The following ELAPOR1 variants were observed in gnomAD, a reference collection of about 807,000 sequenced individuals.
ELAPOR1 encodes endosome/lysosome-associated apoptosis and autophagy regulator 1.
Under a neutral mutation model 119.7 loss-of-function variants are expected in ELAPOR1, and 77 were observed. The ratio of observed to expected loss-of-function variants is 0.64; its 90% CI spans 0.54 to 0.78. The LOEUF (loss-of-function observed/expected upper bound fraction) is 0.78. ELAPOR1 is among the 30% of genes least tolerant of loss of function. ELAPOR1 has a pLI of 0.00. For synonymous variants in ELAPOR1, 481 were observed against 487.2 expected (o/e 0.99, Z 0.17); for missense variants, 1,115 against 1,270.4 (o/e 0.88, Z 1.86).
At chr1:109,192,294 G>C (rs1243284848) in intron 13 of ELAPOR1, among the ~76,000 whole-genome samples, 1 of 152,138 alleles carries the variant, frequency 6.6e-6, no homozygotes, top group Admixed American at 6.5e-5. Context: ...CCTATACACT[G>C]TTTGTTTCTG....
chr1:109,149,328 C>G (rs1307318745), intron 1 of ELAPOR1, among the ~76,000 whole-genome samples: 7 of 151,104 alleles, frequency 4.6e-5, no homozygotes, highest in Non-Finnish European at 1.0e-4. Flanking sequence ...AACCAGTTTA[C>G]AAAGAGCTTG....
chr1:109,155,278 C>T (rs1570652587), intron 1 of ELAPOR1, among the ~76,000 whole-genome samples: 3 of 152,062 alleles, frequency 2.0e-5, no homozygotes, highest in African/African-American at 7.3e-5. Flanking sequence ...CGGGTTCACG[C>T]CATTCTCCTG....
chr1:109,145,035 A>G (rs1650091569), intron 1 of ELAPOR1, among the ~76,000 whole-genome samples: 1 of 152,156 alleles, frequency 6.6e-6, no homozygotes, highest in African/African-American at 2.4e-5. Context: ...ATATTAAAAG[A>G]TGAGGTCTTT....
In ELAPOR1 at chr1:109,114,208, C is replaced by T. The variant is rs371799679; in HGVS notation, c.25C>T (p.His9Tyr). 7 of 1,603,584 alleles carry T rather than the reference C, an allele frequency of 4.4e-6. No individual in the cohort carries two copies. Among genetic ancestry groups the T allele is most frequent in the Non-Finnish European group, 6.0e-6 (7 of 1,175,024 alleles). MAEPGHSH[H>Y]LSARVRGRTE... ...TATGGCTGAGCCTGGGCACAGCCAC[C>T]ATCTCTCCGCCAGAGTCAGGGGAAG... Residue 9 changes from histidine to tyrosine, a missense_variant, in exon 1 of 22, where the codon CAT becomes TAT. His to Tyr is a moderately conservative substitution (Grantham distance 83). Transcript: ENST00000369939.
chr1:109,178,686 C>G (rs377216972), intron 7 of ELAPOR1, among the ~76,000 whole-genome samples: 3 of 151,964 alleles, frequency 2.0e-5, no homozygotes, highest in Non-Finnish European at 4.4e-5. Context: ...GGAGGTGGGC[C>G]GGGTGTGGCG....
In ELAPOR1 at chr1:109,172,149, A is replaced by C. The variant is rs956365098; in HGVS notation, c.615+136A>C. 29 of 1,127,530 alleles carry C rather than the reference A, an allele frequency of 2.6e-5. No homozygotes were observed. The African/African-American group carries it at 3.9e-4, about 15-fold the overall frequency. The allele number at this position is 1,127,530 out of a possible 1,614,324, so 69.8% of individuals were successfully genotyped here. On this transcript the variant is annotated intron_variant, in intron 4 of 21. Transcript: ENST00000369939. ...TTTCTCTCTGGAGAGAGCTGTGGGC[A>C]AAATGAGCTGAGGCCCAGGAGGCAA...
chr1:109,122,063 C>T (rs1451426266), intron 1 of ELAPOR1, among the ~76,000 whole-genome samples: 7 of 149,930 alleles, frequency 4.7e-5, no homozygotes, highest in Non-Finnish European at 8.9e-5. Context: ...TGAGCCACCA[C>T]AGCTGGCTCT....
intron 1 of ELAPOR1, among the ~76,000 whole-genome samples, chr1:109,143,093 G>A (rs1287188904): frequency 6.6e-6 from 1 of 152,106 alleles, no homozygotes; most frequent in Non-Finnish European, 1.5e-5. Flanking sequence ...GGGATTACAG[G>A]CATGCTTCAC....
Position 109,200,848 on chromosome 1 carries a change from T to C in ELAPOR1, c.2921T>C (p.Ile974Thr), listed in dbSNP as rs1479509098. 1 of 1,614,086 alleles carries C rather than the reference T, an allele frequency of 6.2e-7. No individual in the cohort carries two copies. The highest frequency in any genetic ancestry group is 1.3e-5 in the African/African-American group (1 of 74,920). The change falls in exon 21 of 22, where the codon ATC (isoleucine) becomes ACC (threonine). Residue 974 changes from isoleucine (I) to threonine (T), a missense_variant. Transcript: ENST00000369939. The part of the protein sequence containing the change: ...MEGEDVEDDL[I>T]FTSKKSLFGK... ...GGCGAGGATGTAGAGGACGACCTCA[T>C]CTTTACCAGCAAGAAGTCACTCTTT...
At chr1:109,177,245 C>CCA in intron 7 of ELAPOR1, among the ~76,000 whole-genome samples, 1 of 146,384 alleles carries the variant, frequency 6.8e-6, no homozygotes. Flanking sequence ...CTGACCCCCC[C>CCA]ACCTCCCTCC....
intron 8 of ELAPOR1, chr1:109,187,659 C>G: frequency 3.0e-6 from 3 of 992,216 alleles, no homozygotes; most frequent in Non-Finnish European, 3.7e-6. Context: ...TCATTCATCT[C>G]TGAGACACCA....
At chr1:109,191,938 T>G in intron 13 of ELAPOR1, 75 bp downstream of exon 13, 1 of 1,548,322 alleles carries the variant, frequency 6.5e-7, no homozygotes, top group Non-Finnish European at 8.8e-7. Context: ...TTAGCTTAAG[T>G]ATGAGTGTGA....
intron 21 of ELAPOR1, 108 bp downstream of exon 21, chr1:109,201,008 C>T: frequency 2.0e-6 from 2 of 993,786 alleles, no homozygotes; most frequent in Non-Finnish European, 2.9e-6. Flanking sequence ...ACCCTGCTCC[C>T]CACGCCCGAT....
intron 1 of ELAPOR1, among the ~76,000 whole-genome samples, chr1:109,158,017 G>A (rs1312671318): frequency 6.6e-6 from 1 of 152,098 alleles, no homozygotes; most frequent in Non-Finnish European, 1.5e-5. Flanking sequence ...CCTGCTGAGT[G>A]GCTGGAACTA....
chr1:109,191,499 A>AG, intron 12 of ELAPOR1, 28 bp downstream of exon 12: 1 of 1,573,948 alleles, frequency 6.4e-7, no homozygotes, highest in Non-Finnish European at 8.7e-7. Context: ...TGCCCGCTAG[A>AG]GGGCCTCCAG....
rs1652045982 is a variant in ELAPOR1 at position 109,173,407 on chromosome 1, G to C, written c.697-67G>C. On this transcript the variant is annotated intron_variant, in intron 5 of 21. Coordinates refer to ENST00000369939, the MANE Select transcript of ELAPOR1 (RefSeq NM_020775.5). ...AGTAAGAGAAGTCATCCCAACAAGA[G>C]GCTATACCAACAGATTAGCGAGATT... 22 of 1,305,426 alleles carry C rather than the reference G, an allele frequency of 1.7e-5. No individual in the cohort carries two copies. In the South Asian group the frequency reaches 2.6e-4, roughly 15 times the overall value. The allele number at this position is 1,305,426 out of a possible 1,614,324, so 80.9% of individuals were successfully genotyped here.
Position 109,189,083 on chromosome 1 carries a change from G to A in ELAPOR1, c.1237G>A (p.Ala413Thr). 1 of 1,613,902 alleles carries A rather than the reference G, an allele frequency of 6.2e-7. No individual in the cohort carries two copies. Among genetic ancestry groups the A allele is most frequent in the Non-Finnish European group, 8.5e-7 (1 of 1,179,928 alleles). Reference protein sequence around the residue: ...SNGSDCTRCPAGTEPAVGFEY... With the variant: ...SNGSDCTRCPTGTEPAVGFEY... ...TTCCCCAGACTGTACCCGCTGCCCT[G>A]CAGGGACTGAACCTGCTGTGGGATT... Residue 413 changes from alanine to threonine, a missense_variant, in exon 10 of 22, where the codon GCA becomes ACA. By Grantham distance (58) the Ala-to-Thr change is moderately conservative (BLOSUM62 0). Transcript: ENST00000369939.
chr1:109,187,374 C>G, intron 8 of ELAPOR1: 1 of 985,648 alleles, frequency 1.0e-6, no homozygotes, highest in Non-Finnish European at 1.2e-6. Context: ...CCAGGGCTCC[C>G]CATCAGTTAA....
rs560481611 is a variant in ELAPOR1 at position 109,119,188 on chromosome 1, C to T, written c.153+4852C>T. 7.3e-5 allele frequency among the ~76,000 whole-genome samples: 11 copies of T among 151,204 alleles called. No homozygotes were observed. The East Asian group carries it at 1.4e-3, about 19-fold the overall frequency. On this transcript the variant is annotated intron_variant, in intron 1 of 21. Coordinates refer to ENST00000369939, the MANE Select transcript of ELAPOR1 (RefSeq NM_020775.5). ...CTGGCATTACAGGAGTGAGCCACCA[C>T]ACCTGGCCTAATTTTTTTTTTTTTT...
Sources: gnomAD v4.1 joint callset for allele counts (sites outside exome capture counted in the v4.1 genomes callset) on GRCh38, gnomAD v4.1.1 for gene constraint, MANE v1.5 for transcripts, NCBI Gene and HGNC (gene_info 2026-07-23, HGNC 2026-07-21) for gene names.